SEC14L1: variants seen among roughly 807,000 people sequenced by gnomAD.
SEC14L1 encodes the protein SEC14 like lipid binding 1.
A neutral mutation model predicts 85.3 loss-of-function variants in SEC14L1; 48 were observed. The observed-to-expected ratio is 0.56, with a 90% CI of 0.45 to 0.72. The LOEUF is 0.72. Among genes scored for constraint, SEC14L1 ranks in the 30% least tolerant of loss-of-function variants. SEC14L1 has a pLI of 0.00. For synonymous variants in SEC14L1, 391 were observed against 355.5 expected (o/e 1.10, Z -1.12); for missense variants, 682 against 921.4 (o/e 0.74, Z 3.36).
Position 77,216,600 on chromosome 17 carries a change from A to G in SEC14L1, c.*2577A>G, listed in dbSNP as rs895693846. On this transcript the variant is annotated 3_prime_UTR_variant, in exon 17 of 17. Transcript: ENST00000436233. ...GAAAATGCTTCACTCAACAGTCCTCATGTGCCCAGAGATGTTTATAGAACT... is the reference window on the plus strand; with the variant it reads ...GAAAATGCTTCACTCAACAGTCCTCGTGTGCCCAGAGATGTTTATAGAACT... 1.2e-6 allele frequency: 2 copies of G among 1,613,278 alleles called. No homozygotes were observed. The highest frequency in any genetic ancestry group is 1.1e-5 in the South Asian group (1 of 91,088).
chr17:77,201,568 A>G (rs2143119025), intron 9 of SEC14L1, among the ~76,000 whole-genome samples: 1 of 151,120 alleles, frequency 6.6e-6, no homozygotes, highest in Admixed American at 6.6e-5. Context: ...CTCCCGCCTC[A>G]GCCTCCCGAG....
At chr17:77,141,926 A>C (rs1267649140) in intron 1 of SEC14L1, among the ~76,000 whole-genome samples, 1 of 152,206 alleles carries the variant, frequency 6.6e-6, no homozygotes, top group Non-Finnish European at 1.5e-5. Context: ...CAACACTGTA[A>C]GGTTTGCAAA....
chr17:77,166,082 C>G (rs1271485235), intron 3 of SEC14L1, among the ~76,000 whole-genome samples: 1 of 152,164 alleles, frequency 6.6e-6, no homozygotes, highest in Non-Finnish European at 1.5e-5. Flanking sequence ...TTGCACAGAA[C>G]AGTAGCCACA....
chr17:77,198,829 C>CCCAGA, intron 8 of SEC14L1: 1 of 152,262 alleles, frequency 6.6e-6, no homozygotes, highest in Non-Finnish European at 1.5e-5. Context: ...GCCTCGGCCT[C>CCCAGA]CCAGAGTGCT....
At chr17:77,201,207 ATGCCTTCCATACCC>A (rs1451147445) in intron 9 of SEC14L1, among the ~76,000 whole-genome samples, 1 of 152,122 alleles carries the variant, frequency 6.6e-6, no homozygotes, top group African/African-American at 2.4e-5. Context: ...GTTCCCCCAA[ATGCCTTCCATACCC>A]TGCCTTGCAG....
intron 15 of SEC14L1, among the ~76,000 whole-genome samples, chr17:77,212,533 A>G (rs1976813554): frequency 6.6e-6 from 1 of 152,174 alleles, no homozygotes; most frequent in African/African-American, 2.4e-5. Flanking sequence ...GTCTTTTTCA[A>G]AGGAAAATCA....
At chr17:77,194,967 G>C (rs568539469) in intron 7 of SEC14L1, 56 bp downstream of exon 7, 15 of 1,313,616 alleles carry the variant, frequency 1.1e-5, no homozygotes, top group Non-Finnish European at 1.5e-5. Flanking sequence ...CGGCGTTGCC[G>C]TTTTCTCTCT....
intron 3 of SEC14L1, among the ~76,000 whole-genome samples, chr17:77,161,918 C>T (rs1598324562): frequency 7.7e-6 from 1 of 129,074 alleles, no homozygotes. Context: ...CTCTTCTTTT[C>T]TTCTTTCTTC....
intron 3 of SEC14L1, among the ~76,000 whole-genome samples, chr17:77,175,203 C>T (rs1487889733): frequency 6.6e-6 from 1 of 152,170 alleles, no homozygotes; most frequent in African/African-American, 2.4e-5. Context: ...AATTCATCAT[C>T]TCTGGCGCTA....
Position 77,213,734 on chromosome 17 carries a change from G to A in SEC14L1, c.2043-184G>A, listed in dbSNP as rs78521769. On this transcript the variant is annotated intron_variant, in intron 16 of 16. Coordinates refer to ENST00000436233, the MANE Select transcript of SEC14L1 (RefSeq NM_001143998.2). The surrounding 1 kb of genome is among the most constrained non-coding windows in gnomAD (Gnocchi z 7.1). ...TGCTTTAGCTCACACTGCCGTCTGC[G>A]TGCAGGCTGTGGGAAGCCGGTCCCC... 18 of 879,596 alleles carry A rather than the reference G, an allele frequency of 2.0e-5. No homozygotes were observed. The highest frequency in any genetic ancestry group is 2.9e-5 in the Non-Finnish European group (16 of 545,942). The allele number at this position is 879,596 out of a possible 1,614,324, so 54.5% of individuals were successfully genotyped here.
At chr17:77,184,060 A>G (rs1314982022) in intron 3 of SEC14L1, among the ~76,000 whole-genome samples, 2 of 152,236 alleles carry the variant, frequency 1.3e-5, no homozygotes, top group South Asian at 2.1e-4. Context: ...TGCTGGGATT[A>G]CAGGGGTGAG....
intron 3 of SEC14L1, among the ~76,000 whole-genome samples, chr17:77,108,471 C>G (rs2143349337): frequency 6.6e-6 from 1 of 152,232 alleles, no homozygotes; most frequent in East Asian, 1.9e-4. Flanking sequence ...GGTGTGGTGG[C>G]TCACGCCTGT....
intron 3 of SEC14L1, among the ~76,000 whole-genome samples, chr17:77,095,785 C>G (rs1399100482): frequency 1.3e-5 from 2 of 151,662 alleles, no homozygotes; most frequent in African/African-American, 2.4e-5. Flanking sequence ...CCACTGCACT[C>G]CAGCCTAGAA....
At chr17:77,141,550 C>T (rs1598286366) in intron 1 of SEC14L1, 1 of 152,202 alleles carries the variant, frequency 6.6e-6, no homozygotes, top group East Asian at 1.9e-4. Flanking sequence ...GTGGGTCTGG[C>T]CTTTGGCTCC....
At chr17:77,120,027 T>A (rs1050180296) in intron 3 of SEC14L1, among the ~76,000 whole-genome samples, 1 of 152,152 alleles carries the variant, frequency 6.6e-6, no homozygotes, top group Admixed American at 6.5e-5. Context: ...TTTGTTATAC[T>A]GCCTGAGAGC....
intron 3 of SEC14L1, among the ~76,000 whole-genome samples, chr17:77,108,255 G>A (rs1416433465): frequency 6.6e-6 from 1 of 152,144 alleles, no homozygotes; most frequent in Non-Finnish European, 1.5e-5. Flanking sequence ...TCCCCATCCA[G>A]AGTCCCGAGT....
rs1451520050 is a variant in SEC14L1, at chr17:77,184,343, CGTTA to C, written c.64-6458_64-6455del. On this transcript the variant is annotated intron_variant, in intron 3 of 16. Transcript: ENST00000436233. ...GGCCCTGTCTCTTCTGAATGCCTTA[CGTTA>C]GCATTCATTGATGATCCTTGTCTGA... Among the ~76,000 whole-genome samples, 5 of 152,286 alleles carry C rather than the reference CGTTA, an allele frequency of 3.3e-5. No individual in the cohort carries two copies. In the East Asian group the frequency reaches 9.6e-4, roughly 29 times the overall value.
chr17:77,143,655 T>C lies in SEC14L1; in HGVS notation c.59T>C (p.Met20Thr). ...RVYKYPFELI[M>T]AAYERRFPTC... The stretch of plus-strand genomic sequence containing the variant: ...TACAAATACCCCTTTGAATTAATTA[T>C]GGCTGTAAGTACTTGACATTTCAAT... Residue 20 changes from methionine to threonine, a missense_variant, in exon 3 of 17, where the codon ATG becomes ACG. This residue lies in a region of SEC14L1 where 139 missense variants were observed against 201.3 expected (regional missense o/e 0.69). Transcript: ENST00000436233. The C allele has an allele frequency of 1.2e-6, 2 of 1,606,642 alleles. No individual in the cohort carries two copies. The highest frequency in any genetic ancestry group is 1.7e-6 in the Non-Finnish European group (2 of 1,173,308).
chr17:77,190,740 C>T (rs1975486702), intron 3 of SEC14L1, 63 bp from the exon 4 acceptor site: 1 of 1,566,442 alleles, frequency 6.4e-7, no homozygotes, highest in Admixed American at 1.7e-5. Flanking sequence ...AGAACACAGT[C>T]AGCGGCAGGA....
Sources: gnomAD v4.1 joint callset for allele counts (sites outside exome capture counted in the v4.1 genomes callset) on GRCh38, gnomAD v4.1.1 for gene constraint, gnomAD v4.1.1 regional missense constraint, Gnocchi (gnomAD v3.1) non-coding constraint, MANE v1.5 for transcripts, NCBI Gene and HGNC (gene_info 2026-07-23, HGNC 2026-07-21) for gene names.